Variants in CELF5 observed in about 807,000 individuals in gnomAD.
The protein encoded by CELF5 is CUGBP Elav-like family member 5.
Under a neutral mutation model 54.9 loss-of-function variants are expected in CELF5, and 6 were observed. That is an observed-to-expected ratio of 0.11 (90% CI 0.06 to 0.22). CELF5 has a LOEUF of 0.22. Among genes scored for constraint, CELF5 ranks in the 10% least tolerant of loss-of-function variants. The pLI is 1.00. For missense variants in CELF5, 401 were observed against 678.6 expected (o/e 0.59, Z 4.54); for synonymous variants, 271 against 290.9 (o/e 0.93, Z 0.70).
At chr19:3,248,602 G>T (rs1022263534) in intron 1 of CELF5, among the ~76,000 whole-genome samples, 3 of 151,948 alleles carry the variant, frequency 2.0e-5, no homozygotes, top group Non-Finnish European at 4.4e-5. Context: ...GTATTGTATC[G>T]ATCCCTTCAT....
chr19:3,290,897 G>A (rs1039998105), intron 11 of CELF5, among the ~76,000 whole-genome samples: 3 of 151,648 alleles, frequency 2.0e-5, no homozygotes, highest in South Asian at 2.1e-4. Flanking sequence ...TGAGGTGGGC[G>A]GATTGCTTGA....
At chr19:3,239,525 C>A (rs2079461484) in intron 1 of CELF5, among the ~76,000 whole-genome samples, 1 of 151,328 alleles carries the variant, frequency 6.6e-6, no homozygotes, top group Admixed American at 6.6e-5. Flanking sequence ...TGTGAGCCAT[C>A]ATGCCCGGCT....
chr19:3,277,777 G>C (rs1056101075), intron 4 of CELF5, among the ~76,000 whole-genome samples: 5 of 152,142 alleles, frequency 3.3e-5, no homozygotes, highest in South Asian at 2.1e-4. Context: ...CTGGCTGGCT[G>C]TGTGGGTGAC....
chr19:3,251,652 C>CTTTTTTTTTTTTTTTTTTTTTTT (rs1195812856), intron 2 of CELF5, among the ~76,000 whole-genome samples: 8 of 67,116 alleles, frequency 1.2e-4, no homozygotes, highest in East Asian at 1.0e-3. Context: ...ACAAGGGCTT[C>CTTTTTTTTTTTTTTTTTTTTTTT]TTTTTTTTTT....
At chr19:3,250,881 A>C in intron 1 of CELF5, 104 bp from the exon 2 acceptor site, 1 of 547,012 alleles carries the variant, frequency 1.8e-6, no homozygotes. Context: ...GCATCTGTGG[A>C]TGGAAGCTTG....
intron 1 of CELF5, among the ~76,000 whole-genome samples, chr19:3,235,903 G>A (rs1240199590): frequency 6.6e-6 from 1 of 152,080 alleles, no homozygotes; most frequent in Admixed American, 6.6e-5. Context: ...ACAAGTGGAT[G>A]GGTGGACAGT....
chr19:3,289,328 G>C (rs2080303277), intron 10 of CELF5, among the ~76,000 whole-genome samples: 1 of 152,080 alleles, frequency 6.6e-6, no homozygotes, highest in Non-Finnish European at 1.5e-5. Flanking sequence ...GTCTGAGGAA[G>C]GAGGATCGGT....
chr19:3,259,087 G>A (rs992445062), intron 2 of CELF5, among the ~76,000 whole-genome samples: 2 of 152,154 alleles, frequency 1.3e-5, no homozygotes, highest in African/African-American at 4.8e-5. Context: ...TGTTTGGGAT[G>A]AGTCGAGAGA....
intron 1 of CELF5, among the ~76,000 whole-genome samples, chr19:3,246,116 C>G (rs1216237555): frequency 6.6e-6 from 1 of 152,222 alleles, no homozygotes; most frequent in Non-Finnish European, 1.5e-5. Context: ...ATAATCCCAG[C>G]AATTTGGGAG....
At chr19:3,231,200 G>A (rs1917235573) in intron 1 of CELF5, among the ~76,000 whole-genome samples, 1 of 152,212 alleles carries the variant, frequency 6.6e-6, no homozygotes, top group Admixed American at 6.5e-5. Context: ...GGCAGAAATT[G>A]TGTCTTGTTT....
chr19:3,277,915 G>A lies in CELF5; in HGVS notation c.524-116G>A, dbSNP rs2080082514. The A allele has an allele frequency of 4.1e-6, 3 of 723,588 alleles. No individual in the cohort carries two copies. In the Admixed American group the frequency reaches 6.8e-5, roughly 16 times the overall value. The allele number at this position is 723,588 out of a possible 1,614,324, so 44.8% of individuals were successfully genotyped here. A position where few individuals can be genotyped will look rare whatever the true frequency, so the allele number is the denominator to read the frequency against. On this transcript the variant is annotated intron_variant, in intron 4 of 12. Coordinates refer to ENST00000292672, the MANE Select transcript of CELF5 (RefSeq NM_021938.4). ...TGTCTTTCTGTTATCAGTTCTCTCT[G>A]GCTGCATGTGTCTGACACTGGCCAT...
intron 2 of CELF5, 108 bp downstream of exon 2, chr19:3,251,175 G>T: frequency 2.5e-6 from 2 of 787,894 alleles, no homozygotes; most frequent in South Asian, 3.1e-5. Flanking sequence ...TGTGTCTCGG[G>T]ACTCAGAAAG....
rs372488135 is a variant in CELF5 at position 3,256,064 on chromosome 19, C to CAGAAAAAAAAAAAAAA, written c.342+4998_342+4999insGAAAAAAAAAAAAAAA. ...TGGGTGACAGAACAAGACCCTGTCTCAAAAAAAAAGGAAAGGTGCGAAGTG... is the reference window on the plus strand; with the variant it reads ...TGGGTGACAGAACAAGACCCTGTCTCAGAAAAAAAAAAAAAAAAAAAAAAAGGAAAGGTGCGAAGTG... On this transcript the variant is annotated intron_variant, in intron 2 of 12. Coordinates refer to ENST00000292672, the MANE Select transcript of CELF5 (RefSeq NM_021938.4). 2.1e-3 allele frequency among the ~76,000 whole-genome samples: 291 copies of CAGAAAAAAAAAAAAAA among 139,280 alleles called. 5 individuals carry two copies. Among genetic ancestry groups the CAGAAAAAAAAAAAAAA allele is most frequent in the African/African-American group, 2.9e-3 (109 of 37,192 alleles). 91.4% of individuals were successfully genotyped at this position (139,280 alleles called of 152,430 possible). A position where few individuals can be genotyped will look rare whatever the true frequency, so the allele number is the denominator to read the frequency against.
At chr19:3,286,144 G>A in intron 10 of CELF5, 119 bp downstream of exon 10, 3 of 838,520 alleles carry the variant, frequency 3.6e-6, no homozygotes, top group South Asian at 3.9e-5. Context: ...TGCGGCCTGG[G>A]GGCTGGACAG....
chr19:3,243,659 A>G (rs1175165570), intron 1 of CELF5, among the ~76,000 whole-genome samples: 1 of 152,130 alleles, frequency 6.6e-6, no homozygotes, highest in African/African-American at 2.4e-5. Context: ...CCGTAACCAC[A>G]CACCACAGAC....
Position 3,278,900 on chromosome 19 carries a change from A to T in CELF5, c.603+790A>T, listed in dbSNP as rs1204204022. ...GGCCCTGACAAAAAGAAAGGCTGGGAGGTGGCAACAGGTAGCCCAGAGGAG... is the reference window on the plus strand; with the variant it reads ...GGCCCTGACAAAAAGAAAGGCTGGGTGGTGGCAACAGGTAGCCCAGAGGAG... On this transcript the variant is annotated intron_variant, in intron 5 of 12. Coordinates refer to ENST00000292672, the MANE Select transcript of CELF5 (RefSeq NM_021938.4). The surrounding 1 kb of genome is among the most constrained non-coding windows in gnomAD (Gnocchi z 4.5). Among the ~76,000 whole-genome samples the T allele has an allele frequency of 6.6e-6, 1 of 152,140 alleles. No homozygotes were observed. Among genetic ancestry groups the T allele is most frequent in the Non-Finnish European group, 1.5e-5 (1 of 68,020 alleles).
At chr19:3,248,760 T>A (rs1158610936) in intron 1 of CELF5, among the ~76,000 whole-genome samples, 1 of 152,176 alleles carries the variant, frequency 6.6e-6, no homozygotes, top group Non-Finnish European at 1.5e-5. Context: ...GCTTCCGTGG[T>A]AATTTTGTGT....
rs58462515 is a variant in CELF5 at position 3,256,534 on chromosome 19, TTTATTATTA to T, written c.342+5501_342+5509del. ...GCAATGACTCAGGACGGAGGTTTCA[TTTATTATTA>T]TTATTATTATTATTATTATTATTAT... is the stretch of plus-strand genomic sequence containing the variant. On this transcript the variant is annotated intron_variant, in intron 2 of 12. Coordinates refer to ENST00000292672, the MANE Select transcript of CELF5 (RefSeq NM_021938.4). Among the ~76,000 whole-genome samples the T allele has an allele frequency of 8.3e-3, 1,202 of 144,516 alleles. 16 individuals are homozygous for T. Among genetic ancestry groups the T allele is most frequent in the African/African-American group, 0.02 (802 of 39,436 alleles). The allele number at this position is 144,516 out of a possible 152,430, so 94.8% of individuals were successfully genotyped here.
At chr19:3,241,688 A>G (rs922305201) in intron 1 of CELF5, among the ~76,000 whole-genome samples, 71 of 152,082 alleles carry the variant, frequency 4.7e-4, no homozygotes, top group African/African-American at 1.7e-3. Flanking sequence ...GATGCAACCA[A>G]CCAGAGCTCT....
Sources: allele counts gnomAD v4.1 joint callset (sites outside exome capture counted in the v4.1 genomes callset), GRCh38; gene constraint gnomAD v4.1.1; non-coding constraint Gnocchi (gnomAD v3.1); transcripts MANE v1.5; gene names NCBI Gene and HGNC (gene_info 2026-07-23, HGNC 2026-07-21).